LPA: variants seen among roughly 807,000 people sequenced by gnomAD.
LPA encodes the protein lipoprotein(a).
In LPA, 199 loss-of-function variants were observed where a neutral mutation model predicts 197.9. That is an observed-to-expected ratio of 1.01 (90% CI 0.90 to 1.13). The LOEUF is 1.13. LPA is among the 50% of genes most tolerant of loss of function. The pLI is 0.00. For missense variants in LPA, 1,853 were observed against 1,785.8 expected (o/e 1.04, Z -0.68); for synonymous variants, 715 against 639.5 (o/e 1.12, Z -1.78).
At chr6:160,581,692 T>C (rs1778804744) in intron 26 of LPA, among the ~76,000 whole-genome samples, 1 of 152,170 alleles carries the variant, frequency 6.6e-6, no homozygotes, top group South Asian at 2.1e-4. Flanking sequence ...AGTTTTTTAT[T>C]CTTTTTAAAG....
chr6:160,585,323 G>T, intron 25 of LPA, 118 bp from the exon 26 acceptor site: 1 of 931,350 alleles, frequency 1.1e-6, no homozygotes, highest in Non-Finnish European at 1.8e-6. Context: ...TTCTATATTA[G>T]CATGCAAATT....
chr6:160,565,008 TA>T (rs1021015254), intron 28 of LPA, among the ~76,000 whole-genome samples: 2 of 151,996 alleles, frequency 1.3e-5, no homozygotes, highest in Non-Finnish European at 2.9e-5. Flanking sequence ...CTTGAGTAGG[TA>T]AACAAAGCGA....
intron 30 of LPA, among the ~76,000 whole-genome samples, chr6:160,555,451 A>G (rs930269162): frequency 4.2e-5 from 6 of 143,010 alleles, no homozygotes; most frequent in Non-Finnish European, 9.0e-5. Flanking sequence ...ATATATATAT[A>G]TATATGTGTG....
At chr6:160,647,204 G>A (rs1310565195) in intron 2 of LPA, among the ~76,000 whole-genome samples, 1 of 152,162 alleles carries the variant, frequency 6.6e-6, no homozygotes, top group African/African-American at 2.4e-5. Flanking sequence ...ATGGCATAAA[G>A]GAAGATGGCA....
chr6:160,660,417 C>T (rs1174718019), intron 1 of LPA, among the ~76,000 whole-genome samples: 1 of 152,180 alleles, frequency 6.6e-6, no homozygotes, highest in African/African-American at 2.4e-5. Context: ...GGGCTTCCAC[C>T]TCCTGCTCAT....
At chr6:160,576,690 GTA>G (rs71033585) in intron 28 of LPA, among the ~76,000 whole-genome samples, 1,081 of 76,572 alleles carry the variant, frequency 0.014, 6 homozygotes, top group Non-Finnish European at 0.022. Flanking sequence ...GTGTGTGTGT[GTA>G]TATATATATA....
intron 28 of LPA, among the ~76,000 whole-genome samples, chr6:160,576,369 T>TATATATATATATATGTATAC (rs1778666931): frequency 8.8e-5 from 1 of 11,346 alleles, no homozygotes; most frequent in Non-Finnish European, 1.4e-4. Context: ...TATATATACA[T>TATATATATATATATGTATAC]ATATATATAT....
At chr6:160,662,289 A>G (rs146128767) in intron 1 of LPA, among the ~76,000 whole-genome samples, 143 of 152,354 alleles carry the variant, frequency 9.4e-4, no homozygotes, top group African/African-American at 3.1e-3. Flanking sequence ...TATTTTATTA[A>G]TGGTGTGAGA....
chr6:160,551,989 C>T (rs138729365), intron 30 of LPA, among the ~76,000 whole-genome samples: 2 of 150,620 alleles, frequency 1.3e-5, no homozygotes, highest in East Asian at 3.9e-4. Flanking sequence ...TCAATGCTCA[C>T]TCATGGCTAG....
intron 2 of LPA, among the ~76,000 whole-genome samples, chr6:160,647,863 G>C (rs1423590467): frequency 2.0e-5 from 3 of 152,166 alleles, no homozygotes; most frequent in East Asian, 3.9e-4. Flanking sequence ...ATAAACGTTT[G>C]ATCAAGAAAA....
At chr6:160,534,553 G>A (rs112658628) in intron 37 of LPA, among the ~76,000 whole-genome samples, 4,180 of 152,256 alleles carry the variant, frequency 0.027, 95 homozygotes, top group Non-Finnish European at 0.038. Flanking sequence ...TCTGCACTTG[G>A]TACATCCAAA....
At chr6:160,643,083 A>AGTGTGTGTGTGTGT (rs767484310) in intron 4 of LPA, among the ~76,000 whole-genome samples, 2 of 131,148 alleles carry the variant, frequency 1.5e-5, no homozygotes, top group African/African-American at 5.5e-5. Flanking sequence ...GTGTGTTTTC[A>AGTGTGTGTGTGTGT]GTGTGTGTGT....
At chr6:160,542,579 G>A in intron 34 of LPA, 109 bp downstream of exon 34, 1 of 1,499,232 alleles carries the variant, frequency 6.7e-7, no homozygotes, top group African/African-American at 1.4e-5. Flanking sequence ...TCAGAAAACA[G>A]AGAGGCAGGT....
At chr6:160,656,606 T>C (rs1389579820) in intron 1 of LPA, among the ~76,000 whole-genome samples, 2 of 152,184 alleles carry the variant, frequency 1.3e-5, no homozygotes, top group Non-Finnish European at 2.9e-5. Context: ...AAATGTCTCA[T>C]TACTTCCCTT....
chr6:160,653,996 T>TAA (rs1780063570), intron 1 of LPA, among the ~76,000 whole-genome samples: 3 of 16,068 alleles, frequency 1.9e-4, no homozygotes, highest in Non-Finnish European at 3.0e-4. Context: ...ATAATATATA[T>TAA]TATATATAAT....
At chr6:160,556,222 A>G in intron 29 of LPA, 38 bp from the exon 30 acceptor site, 1 of 1,603,014 alleles carries the variant, frequency 6.2e-7, no homozygotes, top group Non-Finnish European at 8.5e-7. Context: ...AACTACTAGT[A>G]TGCAGAAACA....
chr6:160,532,489 G>T, intron 38 of LPA, 42 bp downstream of exon 38: 1 of 1,465,374 alleles, frequency 6.8e-7, no homozygotes, highest in Non-Finnish European at 9.6e-7. Flanking sequence ...CTGAGACTGA[G>T]ACGGGAGAGC....
chr6:160,585,191 T>A lies in LPA; in HGVS notation c.4144A>T (p.Ser1382Cys). The change falls in exon 26 of 39, where the codon AGC becomes TGC. Residue 1382 changes from serine to cysteine, a missense_variant. Coordinates refer to ENST00000316300, the MANE Select transcript of LPA (RefSeq NM_005577.4). ...CGGTAGCAGTCCTGGACCCCAGTGC[T>A]GTTTTCAGTTGGTGCTGAAATTAAA... ...LPSEEAPTEN[S>C]TGVQDCYRGD... 2 of 1,613,824 alleles carry A rather than the reference T, an allele frequency of 1.2e-6. No homozygotes were observed. Among genetic ancestry groups the A allele is most frequent in the Non-Finnish European group, 1.7e-6 (2 of 1,179,780 alleles).
Position 160,610,607 on chromosome 6 carries a change from C to T in LPA, c.2603+955G>A, listed in dbSNP as rs1338431750. On this transcript the variant is annotated intron_variant, in intron 16 of 38. Transcript: ENST00000316300. ...CACATGCAGTGTCATGTGAGGCCAA[C>T]TACTGGAGGAGACTTCTATGCGTAT... 2.6e-5 allele frequency among the ~76,000 whole-genome samples: 4 copies of T among 152,140 alleles called. 1 individual carries two copies. Among genetic ancestry groups the T allele is most frequent in the African/African-American group, 9.7e-5 (4 of 41,398 alleles).
Sources: allele counts gnomAD v4.1 joint callset (sites outside exome capture counted in the v4.1 genomes callset), GRCh38; gene constraint gnomAD v4.1.1; transcripts MANE v1.5; gene names NCBI Gene and HGNC (gene_info 2026-07-23, HGNC 2026-07-21).